The following SEPTIN9 variants were observed in gnomAD, a reference collection of about 807,000 sequenced individuals.
SEPTIN9 encodes the protein septin 9, also known as septin-9.
A neutral mutation model predicts 56.6 loss-of-function variants in SEPTIN9; 13 were observed. The ratio of observed to expected loss-of-function variants is 0.23; its 90% CI spans 0.15 to 0.37. The LOEUF is 0.37. Ranked by LOEUF, SEPTIN9 falls within the 10% of genes least tolerant of loss-of-function variation. The pLI, the probability that SEPTIN9 is intolerant of heterozygous loss-of-function variation, is 1.00. For missense variants in SEPTIN9, 650 were observed against 823.1 expected (o/e 0.79, Z 2.57); for synonymous variants, 332 against 334.1 (o/e 0.99, Z 0.07).
rs41282083 is a variant in SEPTIN9 at position 77,475,165 on chromosome 17, G to A, written c.722-6979G>A. ...TGAAGAAAGCCGGGCTGGGGTGAGC[G>A]TGATGGATGAGGTGTCTGGCTTCAC... On this transcript the variant is annotated intron_variant, in intron 3 of 11. Coordinates refer to ENST00000427177, the MANE Select transcript of SEPTIN9 (RefSeq NM_001113491.2). The surrounding 1 kb of genome is among the most constrained non-coding windows in gnomAD (Gnocchi z 4.6). 79,192 of 1,107,084 alleles carry A rather than the reference G, an allele frequency of 0.072. 3,272 individuals carry two copies. The highest frequency in any genetic ancestry group is 0.14 in the Admixed American group (3,277 of 23,022). The allele number at this position is 1,107,084 out of a possible 1,614,324, so 68.6% of individuals were successfully genotyped here. A position where few individuals can be genotyped will look rare whatever the true frequency, so the allele number is the denominator to read the frequency against.
At chr17:77,286,725 G>A (rs587352) in intron 1 of SEPTIN9, among the ~76,000 whole-genome samples, 20,644 of 152,244 alleles carry the variant, frequency 0.14, 1,553 homozygotes, top group Non-Finnish European at 0.15. Context: ...GCAGTGTTGC[G>A]TGGGCTCTGA....
At chr17:77,322,373 C>T (rs551555202) in intron 2 of SEPTIN9, among the ~76,000 whole-genome samples, 25 of 152,338 alleles carry the variant, frequency 1.6e-4, no homozygotes, top group South Asian at 8.3e-4. Context: ...GACCTCCCCT[C>T]GGGCTGTGCC....
At chr17:77,358,032 C>T (rs1054212832) in intron 2 of SEPTIN9, among the ~76,000 whole-genome samples, 1 of 152,200 alleles carries the variant, frequency 6.6e-6, no homozygotes, top group African/African-American at 2.4e-5. Context: ...TTAGGCCAGG[C>T]ACTTTTCACA....
rs10537405 is a variant in SEPTIN9 at position 77,351,228 on chromosome 17, AACACACACACAC to A, written c.76+44062_76+44073del. Among the ~76,000 whole-genome samples the A allele has an allele frequency of 7.2e-3, 1,046 of 144,700 alleles. 4 individuals carry two copies. The highest frequency in any genetic ancestry group is 8.2e-3 in the Non-Finnish European group (543 of 65,862). 94.9% of individuals were successfully genotyped at this position (144,700 alleles called of 152,430 possible). A position where few individuals can be genotyped will look rare whatever the true frequency, so the allele number is the denominator to read the frequency against. The stretch of plus-strand genomic sequence containing the variant: ...CGCAGGCACATGTGCGCGTGCACAC[AACACACACACAC>A]ACACACACACACACACACACACACA... On this transcript the variant is annotated intron_variant, in intron 2 of 11. Coordinates refer to ENST00000427177, the MANE Select transcript of SEPTIN9 (RefSeq NM_001113491.2).
At chr17:77,467,145 AGT>A (rs1380243954) in intron 3 of SEPTIN9, among the ~76,000 whole-genome samples, 1 of 152,228 alleles carries the variant, frequency 6.6e-6, no homozygotes, top group African/African-American at 2.4e-5. Context: ...GCTGGGACCA[AGT>A]CATCCTTGGG....
At position 77,310,063 on chromosome 17, in the gene SEPTIN9, C is replaced by T. The variant is rs1280927229; in HGVS notation, c.76+2866C>T. ...GCACCATCTCGGCTCACTGCAACCT[C>T]TGCCTCCTGGGTTCAAGCGATTCTT... On this transcript the variant is annotated intron_variant, in intron 2 of 11. Transcript: ENST00000427177. The surrounding 1 kb of genome is among the most constrained non-coding windows in gnomAD (Gnocchi z 4.7). Among the ~76,000 whole-genome samples, 2 of 152,084 alleles carry T rather than the reference C, an allele frequency of 1.3e-5. No homozygotes were observed. The highest frequency in any genetic ancestry group is 2.9e-5 in the Non-Finnish European group (2 of 68,018).
At position 77,319,602 on chromosome 17, in the gene SEPTIN9, ACGCTGGCCTGGGGCACGGC is replaced by A; in HGVS notation, c.76+12408_76+12426del. 9.4e-7 allele frequency: 1 copy of A among 1,060,494 alleles called. No homozygotes were observed. The highest frequency in any genetic ancestry group is 1.1e-6 in the Non-Finnish European group (1 of 876,364). The allele number at this position is 1,060,494 out of a possible 1,614,324, so 65.7% of individuals were successfully genotyped here. On this transcript the variant is annotated intron_variant, in intron 2 of 11. Coordinates refer to ENST00000427177, the MANE Select transcript of SEPTIN9 (RefSeq NM_001113491.2). The surrounding 1 kb of genome is among the most constrained non-coding windows in gnomAD (Gnocchi z 5.3). ...AGGTGCTCCGGAACCTTTTCTCAGC[ACGCTGGCCTGGGGCACGGC>A]CGTTCCTCCTGCCCAGCCACGTTGG... is the stretch of plus-strand genomic sequence containing the variant.
At chr17:77,404,229 T>C (rs2035992312) in intron 3 of SEPTIN9, among the ~76,000 whole-genome samples, 2 of 152,104 alleles carry the variant, frequency 1.3e-5, no homozygotes, top group Non-Finnish European at 2.9e-5. Flanking sequence ...TAAGTCCCTC[T>C]TTCCATCTTC....
At chr17:77,488,676 T>G (rs771853319) in intron 6 of SEPTIN9, 51 bp from the exon 7 acceptor site, 1 of 1,611,212 alleles carries the variant, frequency 6.2e-7, no homozygotes, top group East Asian at 2.2e-5. Flanking sequence ...CACGACCTGC[T>G]TGGGGAGGGC....
At chr17:77,477,008 C>G (rs1048450680) in intron 3 of SEPTIN9, among the ~76,000 whole-genome samples, 1 of 152,178 alleles carries the variant, frequency 6.6e-6, no homozygotes, top group African/African-American at 2.4e-5. Flanking sequence ...TAGTGGTTTG[C>G]TGCACCCATT....
chr17:77,324,096 A>G (rs2033044099), intron 2 of SEPTIN9, among the ~76,000 whole-genome samples: 1 of 152,070 alleles, frequency 6.6e-6, no homozygotes, highest in Non-Finnish European at 1.5e-5. Flanking sequence ...TCGTGGCCAC[A>G]CCACTCGACC....
At position 77,433,133 on chromosome 17, in the gene SEPTIN9, CTT is replaced by C. The variant is rs201446025; in HGVS notation, c.721+30435_721+30436del. The stretch of plus-strand genomic sequence containing the variant: ...CTTCAGCCCTCAAGAGAATTTGGAG[CTT>C]TTTTGTGCAAAATGAGATGTTCTGA... On this transcript the variant is annotated intron_variant, in intron 3 of 11. Transcript: ENST00000427177. The surrounding 1 kb of genome is among the most constrained non-coding windows in gnomAD (Gnocchi z 6.4). Among the ~76,000 whole-genome samples the C allele has an allele frequency of 6.6e-6, 1 of 152,162 alleles. No homozygotes were observed. Among genetic ancestry groups the C allele is most frequent in the Non-Finnish European group, 1.5e-5 (1 of 68,030 alleles).
At chr17:77,308,070 G>C (rs2032340223) in intron 2 of SEPTIN9, among the ~76,000 whole-genome samples, 1 of 152,196 alleles carries the variant, frequency 6.6e-6, no homozygotes, top group African/African-American at 2.4e-5. Context: ...TCTATTTGGA[G>C]AGGATGATGG....
In SEPTIN9 at chr17:77,369,815, G is replaced by C. The variant is rs1346621721; in HGVS notation, c.77-32244G>C. On this transcript the variant is annotated intron_variant, in intron 2 of 11. Coordinates refer to ENST00000427177, the MANE Select transcript of SEPTIN9 (RefSeq NM_001113491.2). This position sits in a 1 kb window ranked among gnomAD's most constrained non-coding sequence, Gnocchi z 4.9. ...CCTCTCCATGGAGGCTGTGCCTGGA[G>C]GGGGGTCATGGATATGGATGTGTGC... is the stretch of plus-strand genomic sequence containing the variant. 6.6e-6 allele frequency among the ~76,000 whole-genome samples: 1 copy of C among 152,194 alleles called. No individual in the cohort carries two copies. Among genetic ancestry groups the C allele is most frequent in the Non-Finnish European group, 1.5e-5 (1 of 68,036 alleles).
At chr17:77,301,795 A>G (rs536049989) in intron 1 of SEPTIN9, among the ~76,000 whole-genome samples, 36 of 152,358 alleles carry the variant, frequency 2.4e-4, no homozygotes, top group Non-Finnish European at 1.9e-4. Context: ...ATAACGCCTC[A>G]TCCTAAAAAG....
At chr17:77,388,209 T>C (rs2035406419) in intron 2 of SEPTIN9, among the ~76,000 whole-genome samples, 1 of 152,126 alleles carries the variant, frequency 6.6e-6, no homozygotes, top group Non-Finnish European at 1.5e-5. Context: ...CAATGCGTTG[T>C]CTCAGAGCAG....
intron 2 of SEPTIN9, among the ~76,000 whole-genome samples, chr17:77,351,076 G>A (rs2034047187): frequency 6.6e-6 from 1 of 151,696 alleles, no homozygotes; most frequent in South Asian, 2.1e-4. Flanking sequence ...GTGTGTGCCT[G>A]TGTGCTGTGT....
In SEPTIN9 at chr17:77,497,359, C is replaced by G; in HGVS notation, c.1618C>G (p.Leu540Val). 6.2e-7 allele frequency: 1 copy of G among 1,613,734 alleles called. No homozygotes were observed. Among genetic ancestry groups the G allele is most frequent in the Non-Finnish European group, 8.5e-7 (1 of 1,179,742 alleles). The change falls in exon 11 of 12, where the codon CTC becomes GTC. Residue 540 changes from leucine to valine, a missense_variant. By Grantham distance (32) the Leu-to-Val change is conservative. This residue lies in a region of SEPTIN9 where 333 missense variants were observed against 494.0 expected (regional missense o/e 0.67). Transcript: ENST00000427177. ...HCEFAYLRDL[L>V]IRTHMQNIKD... The stretch of plus-strand genomic sequence containing the variant: ...TGAGTTTGCCTACCTGCGGGACCTT[C>G]TCATCAGGTGAGAGACAGGGTGCTT...
chr17:77,498,467 C>G lies in SEPTIN9; in HGVS notation c.1626-56C>G, dbSNP rs575340740. 1.9e-4 allele frequency: 157 copies of G among 824,180 alleles called. 1 individual carries two copies. The African/African-American group carries it at 2.2e-3, about 12-fold the overall frequency. The allele number at this position is 824,180 out of a possible 1,614,324, so 51.1% of individuals were successfully genotyped here. A position where few individuals can be genotyped will look rare whatever the true frequency, so the allele number is the denominator to read the frequency against. On this transcript the variant is annotated intron_variant, in intron 11 of 11. Transcript: ENST00000427177. ...CAGGCCGAGCAGGGCCCCTGCCCCGCTGCCCCCACCCCGCTGCGCCCACCT... is the reference window on the plus strand; with the variant it reads ...CAGGCCGAGCAGGGCCCCTGCCCCGGTGCCCCCACCCCGCTGCGCCCACCT...
Sources: gnomAD v4.1 joint callset for allele counts (sites outside exome capture counted in the v4.1 genomes callset) on GRCh38, gnomAD v4.1.1 for gene constraint, gnomAD v4.1.1 regional missense constraint, Gnocchi (gnomAD v3.1) non-coding constraint, MANE v1.5 for transcripts, NCBI Gene and HGNC (gene_info 2026-07-23, HGNC 2026-07-21) for gene names.